LRRC9: variants seen among roughly 807,000 people sequenced by gnomAD.
LRRC9 encodes leucine rich repeat containing 9, also known as leucine-rich repeat-containing protein 9.
LRRC9 carries 122 observed loss-of-function variants against 63.2 expected under a neutral mutation model. That is an observed-to-expected ratio of 1.93 (90% CI 1.67 to 2.24). The LOEUF (loss-of-function observed/expected upper bound fraction) is 2.24, where lower values mean the gene tolerates loss of function less well. Among genes scored for constraint, LRRC9 ranks in the 30% most tolerant of loss-of-function variants. The probability of loss-of-function intolerance (pLI) is 0.00; values close to 1 mark genes in which losing one functional copy is unlikely to be tolerated. For missense variants in LRRC9, 1,071 were observed against 627.7 expected (o/e 1.71, Z -7.55); for synonymous variants, 366 against 213.1 (o/e 1.72, Z -6.25).
chr14:60,057,084 G>T (rs1188389830), intron 30 of LRRC9, among the ~76,000 whole-genome samples: 1 of 152,100 alleles, frequency 6.6e-6, no homozygotes, highest in Non-Finnish European at 1.5e-5. Context: ...AGCATTCTTG[G>T]TAACACTTAC....
chr14:59,952,270 C>A (rs185012544), intron 8 of LRRC9, among the ~76,000 whole-genome samples: 123 of 152,176 alleles, frequency 8.1e-4, no homozygotes, highest in African/African-American at 2.7e-3. Flanking sequence ...TTTCCAGGTG[C>A]GTCCGTCACG....
rs1890110310 is a variant in LRRC9 at position 59,936,042 on chromosome 14, G to A, written c.544-2348G>A. On this transcript the variant is annotated intron_variant, in intron 6 of 31. Coordinates refer to ENST00000445360, the Ensembl canonical transcript of LRRC9. This position sits in a 1 kb window ranked among gnomAD's most constrained non-coding sequence, Gnocchi z 4.2. ...AGGTCTTGCTCTGCCTCATACTAGA[G>A]GCAGCATAATACGGTGGAACATGAA... Among the ~76,000 whole-genome samples, 1 of 152,132 alleles carries A rather than the reference G, an allele frequency of 6.6e-6. No individual in the cohort carries two copies. Among genetic ancestry groups the A allele is most frequent in the African/African-American group, 2.4e-5 (1 of 41,450 alleles).
At chr14:60,021,413 TAC>T (rs1595045437) in intron 26 of LRRC9, among the ~76,000 whole-genome samples, 1 of 151,904 alleles carries the variant, frequency 6.6e-6, no homozygotes, top group African/African-American at 2.4e-5. Context: ...AAAAATGATT[TAC>T]AGATATTGTC....
At position 59,988,700 on chromosome 14, in the gene LRRC9, C is replaced by T. The variant is rs79935435; in HGVS notation, c.2211+3476C>T. Among the ~76,000 whole-genome samples, 1,072 of 151,990 alleles carry T rather than the reference C, an allele frequency of 7.1e-3. 15 individuals are homozygous for T. The highest frequency in any genetic ancestry group is 0.025 in the African/African-American group (1,040 of 41,482). Reference sequence around the variant, plus strand: ...AATTATACTATAACTATATTGTCACCGCATGTAGCCTTATGCTCTGTACAC... The same window carrying T: ...AATTATACTATAACTATATTGTCACTGCATGTAGCCTTATGCTCTGTACAC... On this transcript the variant is annotated intron_variant, in intron 17 of 31. Transcript: ENST00000445360.
Position 60,053,151 on chromosome 14 carries a change from T to C in LRRC9, c.4077T>C (p.Asp1359=), listed in dbSNP as rs781424808. ...TAGATGGAAGTCCTGTGAATTCAGATGATAGGGCAAAAGCTGAATTTCACC... is the reference window on the plus strand; with the variant it reads ...TAGATGGAAGTCCTGTGAATTCAGACGATAGGGCAAAAGCTGAATTTCACC... The change falls in exon 30 of 32, where the codon GAT becomes GAC. Residue 1359 remains aspartate (D), a synonymous_variant. Coordinates refer to ENST00000445360, the Ensembl canonical transcript of LRRC9. This position sits in a 1 kb window ranked among gnomAD's most constrained non-coding sequence, Gnocchi z 4.8. 1.7e-4 allele frequency: 122 copies of C among 701,620 alleles called. No individual in the cohort carries two copies. The highest frequency in any genetic ancestry group is 2.1e-5 in the Non-Finnish European group (8 of 384,256). The allele number at this position is 701,620 out of a possible 1,614,324, so 43.5% of individuals were successfully genotyped here. A position where few individuals can be genotyped will look rare whatever the true frequency, so the allele number is the denominator to read the frequency against.
intron 29 of LRRC9, among the ~76,000 whole-genome samples, chr14:60,046,360 G>T (rs932962353): frequency 7.2e-5 from 11 of 152,190 alleles, no homozygotes; most frequent in African/African-American, 2.4e-4. Context: ...CCTATGTCCT[G>T]AATGGTATGG....
chr14:59,959,792 G>C, intron 8 of LRRC9, 26 bp from the exon 9 acceptor site: 1 of 551,782 alleles, frequency 1.8e-6, no homozygotes, highest in Non-Finnish European at 3.2e-6. Flanking sequence ...TTTTTATTTT[G>C]CTCTCTGACA....
At chr14:59,995,137 A>G (rs1888620064) in intron 17 of LRRC9, among the ~76,000 whole-genome samples, 1 of 152,256 alleles carries the variant, frequency 6.6e-6, no homozygotes, top group Non-Finnish European at 1.5e-5. Flanking sequence ...AGTCATAGAA[A>G]ATAAATACAT....
At chr14:60,034,015 C>CTTTTTTTTTTTTATTTTTTTTTTTTT (rs1892212150) in intron 29 of LRRC9, among the ~76,000 whole-genome samples, 1 of 116,058 alleles carries the variant, frequency 8.6e-6, no homozygotes, top group African/African-American at 3.7e-5. Flanking sequence ...TTTTTTCTTT[C>CTTTTTTTTTTTTATTTTTTTTTTTTT]TTTTTTTTTT....
chr14:60,058,022 G>A lies in LRRC9; in HGVS notation c.4276G>A (p.Glu1426Lys). The change falls in exon 31 of 32, where the codon GAA (glutamate) becomes AAA (lysine). Residue 1426 changes from glutamate (E) to lysine (K), a missense_variant and splice_region_variant. Coordinates refer to ENST00000445360, the Ensembl canonical transcript of LRRC9. The surrounding 1 kb of genome is among the most constrained non-coding windows in gnomAD (Gnocchi z 4.4). Reference sequence around the variant, plus strand: ...CGTCACTTTAACTCCTGAAGTTGAAGGTATTTTGACAATTTCAGATAGAAT... The same window carrying A: ...CGTCACTTTAACTCCTGAAGTTGAAAGTATTTTGACAATTTCAGATAGAAT... 1.6e-6 allele frequency: 1 copy of A among 612,456 alleles called. No individual in the cohort carries two copies. Among genetic ancestry groups the A allele is most frequent in the Non-Finnish European group, 3.1e-6 (1 of 326,436 alleles). The allele number at this position is 612,456 out of a possible 1,614,324, so 37.9% of individuals were successfully genotyped here.
chr14:60,038,246 C>A (rs956468090), intron 29 of LRRC9, among the ~76,000 whole-genome samples: 1 of 152,028 alleles, frequency 6.6e-6, no homozygotes, highest in African/African-American at 2.4e-5. Flanking sequence ...CTTGGCAATG[C>A]GGGCTCTTTT....
rs1421475225 is a variant in LRRC9, at chr14:59,936,194, A to T, written c.544-2196A>T. ...TTACATTGAACTGCTGTATTTCAGT[A>T]TCTTCATTTTAAAAATGATGATAGC... On this transcript the variant is annotated intron_variant, in intron 6 of 31. Coordinates refer to ENST00000445360, the Ensembl canonical transcript of LRRC9. This position sits in a 1 kb window ranked among gnomAD's most constrained non-coding sequence, Gnocchi z 4.2. Among the ~76,000 whole-genome samples, 1 of 152,188 alleles carries T rather than the reference A, an allele frequency of 6.6e-6. No individual in the cohort carries two copies. Among genetic ancestry groups the T allele is most frequent in the Non-Finnish European group, 1.5e-5 (1 of 68,028 alleles).
At chr14:59,943,824 G>A (rs1268515352) in intron 7 of LRRC9, among the ~76,000 whole-genome samples, 1 of 151,988 alleles carries the variant, frequency 6.6e-6, no homozygotes, top group Non-Finnish European at 1.5e-5. Flanking sequence ...GACTGCATCT[G>A]TAGAAAATAT....
At chr14:59,947,517 TC>T (rs1292500773) in intron 8 of LRRC9, among the ~76,000 whole-genome samples, 1 of 132,154 alleles carries the variant, frequency 7.6e-6, no homozygotes, top group South Asian at 2.7e-4. Flanking sequence ...TTTAATTAGA[TC>T]CCATTTGTCA....
At chr14:59,965,667 AGG>A (rs1884760865) in intron 10 of LRRC9, among the ~76,000 whole-genome samples, 1 of 151,938 alleles carries the variant, frequency 6.6e-6, no homozygotes, top group Admixed American at 6.6e-5. Flanking sequence ...GCGGATCACG[AGG>A]TCAGGAGATT....
At chr14:60,033,444 A>C (rs1892157370) in intron 29 of LRRC9, among the ~76,000 whole-genome samples, 1 of 152,118 alleles carries the variant, frequency 6.6e-6, no homozygotes, top group African/African-American at 2.4e-5. Context: ...TGGGAAGATA[A>C]CCTATAAAAG....
At chr14:59,985,112 A>G in exon 17 of LRRC9, 1 of 674,902 alleles carries the variant, frequency 1.5e-6, no homozygotes, top group African/African-American at 1.8e-5. Flanking sequence ...CAGAGTCTGA[A>G]TCTACATGGA....
chr14:60,016,456 T>C (rs531602713), intron 23 of LRRC9, among the ~76,000 whole-genome samples: 11 of 152,146 alleles, frequency 7.2e-5, no homozygotes, highest in African/African-American at 2.7e-4. Context: ...TCCTCCCACC[T>C]TGGCCTCCCA....
intron 23 of LRRC9, among the ~76,000 whole-genome samples, chr14:60,014,937 T>A (rs1423015809): frequency 6.6e-6 from 1 of 152,136 alleles, no homozygotes; most frequent in East Asian, 1.9e-4. Flanking sequence ...ATACAGGATA[T>A]GCCCATCTTG....
Sources: allele counts gnomAD v4.1 joint callset (sites outside exome capture counted in the v4.1 genomes callset), GRCh38; gene constraint gnomAD v4.1.1; non-coding constraint Gnocchi (gnomAD v3.1); transcripts MANE v1.5; gene names NCBI Gene and HGNC (gene_info 2026-07-23, HGNC 2026-07-21).